The following SYT1 variants were observed in gnomAD, a reference collection of about 807,000 sequenced individuals.
SYT1 encodes synaptotagmin-1.
In SYT1, 8 loss-of-function variants were observed where a neutral mutation model predicts 44.8. The observed-to-expected ratio is 0.18, with a 90% CI of 0.10 to 0.32. SYT1 has a LOEUF of 0.32. Among genes scored for constraint, SYT1 ranks in the 10% least tolerant of loss-of-function variants. The probability of loss-of-function intolerance (pLI) is 1.00; values close to 1 mark genes in which losing one functional copy is unlikely to be tolerated. For missense variants in SYT1, 286 were observed against 509.3 expected (o/e 0.56, Z 4.22); for synonymous variants, 154 against 188.8 (o/e 0.82, Z 1.51).
intron 3 of SYT1, among the ~76,000 whole-genome samples, chr12:79,107,049 A>G (rs1420836325): frequency 6.6e-6 from 1 of 152,024 alleles, no homozygotes; most frequent in Admixed American, 6.5e-5. Context: ...TAAAATTATA[A>G]ATGGAATTAA....
chr12:78,878,568 C>A (rs1201006983), intron 1 of SYT1, among the ~76,000 whole-genome samples: 1 of 151,696 alleles, frequency 6.6e-6, no homozygotes, highest in Non-Finnish European at 1.5e-5. Flanking sequence ...ATTCATTAAT[C>A]TACTCAAAAA....
chr12:79,053,320 A>G (rs1455644115), intron 3 of SYT1, among the ~76,000 whole-genome samples: 1 of 152,104 alleles, frequency 6.6e-6, no homozygotes, highest in African/African-American at 2.4e-5. Flanking sequence ...GAACACATGG[A>G]CACAGGAGGG....
intron 1 of SYT1, among the ~76,000 whole-genome samples, chr12:78,908,986 C>G (rs112721773): frequency 4.6e-5 from 7 of 151,944 alleles, no homozygotes; most frequent in African/African-American, 1.7e-4. Flanking sequence ...GATTCCTAAT[C>G]CCTGCAGGAC....
chr12:79,140,635 G>C (rs905493924), intron 3 of SYT1, among the ~76,000 whole-genome samples: 1 of 152,134 alleles, frequency 6.6e-6, no homozygotes, highest in African/African-American at 2.4e-5. Flanking sequence ...ATGCTTATCA[G>C]CACCTCATTG....
At chr12:78,888,664 C>A (rs941166016) in intron 1 of SYT1, among the ~76,000 whole-genome samples, 1 of 151,886 alleles carries the variant, frequency 6.6e-6, no homozygotes, top group East Asian at 1.9e-4. Flanking sequence ...CTTCTAGTCA[C>A]CTTCTGAACT....
At chr12:79,388,099 A>G (rs936959584) in intron 9 of SYT1, among the ~76,000 whole-genome samples, 6 of 152,212 alleles carry the variant, frequency 3.9e-5, no homozygotes, top group African/African-American at 1.4e-4. Context: ...ATTTTGTTCA[A>G]TTAAAACAGA....
intron 1 of SYT1, among the ~76,000 whole-genome samples, chr12:78,965,919 A>G (rs1213206712): frequency 6.6e-6 from 1 of 152,042 alleles, no homozygotes; most frequent in Non-Finnish European, 1.5e-5. Flanking sequence ...TCTACTAAAA[A>G]TACAAAAATT....
chr12:78,993,746 C>A (rs1870176911), intron 2 of SYT1, among the ~76,000 whole-genome samples: 1 of 152,172 alleles, frequency 6.6e-6, no homozygotes, highest in African/African-American at 2.4e-5. Flanking sequence ...ATAGCCCAAT[C>A]TAATATTACT....
intron 1 of SYT1, among the ~76,000 whole-genome samples, chr12:78,972,287 T>C (rs1449546466): frequency 6.6e-6 from 1 of 152,110 alleles, no homozygotes; most frequent in African/African-American, 2.4e-5. Context: ...TGATATATCA[T>C]CTGTGATTTG....
At chr12:78,905,239 A>G (rs1317703123) in intron 1 of SYT1, among the ~76,000 whole-genome samples, 1 of 152,208 alleles carries the variant, frequency 6.6e-6, no homozygotes, top group Non-Finnish European at 1.5e-5. Flanking sequence ...GGGCCAGCCC[A>G]TAGTTCCTTC....
At chr12:78,914,699 C>T (rs1876547876) in intron 1 of SYT1, among the ~76,000 whole-genome samples, 1 of 151,794 alleles carries the variant, frequency 6.6e-6, no homozygotes, top group Admixed American at 6.6e-5. Flanking sequence ...TTGATGTTTG[C>T]CTAAAGATAT....
chr12:79,307,268 T>A (rs1199165318), intron 8 of SYT1, among the ~76,000 whole-genome samples: 1 of 152,176 alleles, frequency 6.6e-6, no homozygotes, highest in Non-Finnish European at 1.5e-5. Context: ...AATTAAAGAA[T>A]GCGAGAGAGA....
intron 9 of SYT1, among the ~76,000 whole-genome samples, chr12:79,382,039 A>G (rs938318260): frequency 6.6e-6 from 1 of 152,152 alleles, no homozygotes; most frequent in African/African-American, 2.4e-5. Context: ...GAGGAAGGTC[A>G]TGCGGTATGC....
chr12:79,002,834 T>C (rs936795898), intron 2 of SYT1, among the ~76,000 whole-genome samples: 1 of 152,020 alleles, frequency 6.6e-6, no homozygotes, highest in Non-Finnish European at 1.5e-5. Flanking sequence ...AATGATTTTA[T>C]GAGATTTAAA....
rs532369157 is a variant in SYT1 at position 79,255,823 on chromosome 12, A to G, written c.167-29964A>G. Among the ~76,000 whole-genome samples, 10 of 152,308 alleles carry G rather than the reference A, an allele frequency of 6.6e-5. No homozygotes were observed. In the South Asian group the frequency reaches 1.7e-3, roughly 25 times the overall value. ...GGGTCTACTGAGAAGAAACTGAGGT[A>G]TACTGATAAGTTTCACTGCTTGTGT... is the stretch of plus-strand genomic sequence containing the variant. On this transcript the variant is annotated intron_variant, in intron 4 of 10. Coordinates refer to ENST00000261205, the MANE Select transcript of SYT1 (RefSeq NM_005639.3).
intron 3 of SYT1, among the ~76,000 whole-genome samples, chr12:79,124,753 A>G (rs142579469): frequency 1.6e-4 from 24 of 152,314 alleles, no homozygotes; most frequent in African/African-American, 5.8e-4. Context: ...ATATACAACA[A>G]TATATGAAGT....
chr12:78,958,472 A>C (rs911666305), intron 1 of SYT1, among the ~76,000 whole-genome samples: 1 of 152,200 alleles, frequency 6.6e-6, no homozygotes, highest in South Asian at 2.1e-4. Flanking sequence ...AGGTAGGTGG[A>C]TCACCTGAGG....
chr12:78,889,131 T>C (rs1054636213), intron 1 of SYT1, among the ~76,000 whole-genome samples: 4 of 151,902 alleles, frequency 2.6e-5, no homozygotes, highest in Non-Finnish European at 4.4e-5. Context: ...TTGACAAACA[T>C]GTATAGAATT....
At chr12:79,342,263 GCT>G (rs1408995230) in intron 8 of SYT1, among the ~76,000 whole-genome samples, 1 of 152,112 alleles carries the variant, frequency 6.6e-6, no homozygotes, top group African/African-American at 2.4e-5. Context: ...ACAGGGTCTT[GCT>G]CTGTTGCCCA....
Sources: allele counts gnomAD v4.1 joint callset (sites outside exome capture counted in the v4.1 genomes callset), GRCh38; gene constraint gnomAD v4.1.1; transcripts MANE v1.5; gene names NCBI Gene and HGNC (gene_info 2026-07-23, HGNC 2026-07-21).